The following HEATR4 variants were observed in gnomAD, a reference collection of about 807,000 sequenced individuals.
HEATR4 encodes the protein HEAT repeat containing 4, also known as HEAT repeat-containing protein 4.
HEATR4 carries 95 observed loss-of-function variants against 108.8 expected under a neutral mutation model. That is an observed-to-expected ratio of 0.87 (90% CI 0.74 to 1.04). The LOEUF (loss-of-function observed/expected upper bound fraction) is 1.04, where lower values mean the gene tolerates loss of function less well. Ranked by LOEUF, HEATR4 falls within the 50% of genes least tolerant of loss-of-function variation. HEATR4 has a pLI of 0.00. For synonymous variants in HEATR4, 443 were observed against 459.4 expected, an observed-to-expected ratio of 0.96 and a Z score of 0.46; for missense variants, 1,152 against 1,253.8, an observed-to-expected ratio of 0.92 and a Z score of 1.23.
Position 73,498,315 on chromosome 14 carries a change from C to T in HEATR4, c.2386G>A (p.Glu796Lys), listed in dbSNP as rs560717184. The T allele has an allele frequency of 2.9e-5, 46 of 1,609,254 alleles. No homozygotes were observed. In the East Asian group the frequency reaches 5.8e-4, roughly 20 times the overall value. ...ALGQIGQVSP[E>K]LTDLLLWAIH... ...GCCCAGAGCAGAAGATCCGTCAGCT[C>T]GGGACTTACTTGCCCAATCTGTCCC... The change falls in exon 14 of 18, where the codon GAG becomes AAG. Residue 796 changes from glutamate to lysine, a missense_variant. By Grantham distance (56) the Glu-to-Lys change is moderately conservative (BLOSUM62 1). Transcript: ENST00000553558.
At chr14:73,581,062 C>T in the HEATR4 span, 2 of 151,838 alleles carry the variant, frequency 1.3e-5, no homozygotes, top group Non-Finnish European at 2.9e-5. Flanking sequence ...TGTATATTAA[C>T]ACACTGTGAA....
At chr14:73,592,337 G>C in the HEATR4 span, 1 of 1,603,656 alleles carries the variant, frequency 6.2e-7, no homozygotes, top group Non-Finnish European at 8.5e-7. Flanking sequence ...CGCAGCACGA[G>C]CGCCACTTCC....
chr14:73,498,440 T>A, intron 13 of HEATR4, 96 bp from the exon 14 acceptor site: 2 of 1,061,232 alleles, frequency 1.9e-6, no homozygotes, highest in Non-Finnish European at 1.3e-6. Flanking sequence ...TACCTTCCCT[T>A]TTGGATGGTA....
At chr14:73,606,138 C>A in the HEATR4 span, among the ~76,000 whole-genome samples, 2 of 152,124 alleles carry the variant, frequency 1.3e-5, no homozygotes, top group Admixed American at 1.3e-4. Context: ...TGTAATCCTC[C>A]CTGACGTCGG....
At chr14:73,629,991 T>C in the HEATR4 span, among the ~76,000 whole-genome samples, 1 of 149,876 alleles carries the variant, frequency 6.7e-6, no homozygotes, top group Non-Finnish European at 1.5e-5. Flanking sequence ...TCCACCGCAT[T>C]CCAGCTTGGG....
At chr14:73,567,098 C>T in the HEATR4 span, among the ~76,000 whole-genome samples, 3 of 152,176 alleles carry the variant, frequency 2.0e-5, no homozygotes, top group South Asian at 2.1e-4. Context: ...TGAGCCACCG[C>T]GCCCATCCCC....
At chr14:73,609,970 C>T in the HEATR4 span, among the ~76,000 whole-genome samples, 2 of 146,428 alleles carry the variant, frequency 1.4e-5, no homozygotes, top group Admixed American at 6.9e-5. Flanking sequence ...TTCCTCTACC[C>T]TTTTTTTTTT....
intron 1 of HEATR4, chr14:73,537,118 G>T: frequency 3.8e-6 from 1 of 265,496 alleles, no homozygotes; most frequent in Non-Finnish European, 6.5e-6. Context: ...CGAGTAGCCG[G>T]GACGAACCAG....
chr14:73,633,000 T>A, the HEATR4 span, among the ~76,000 whole-genome samples: 1 of 124,042 alleles, frequency 8.1e-6, no homozygotes, highest in Non-Finnish European at 1.7e-5. Context: ...TCTCTCTCTC[T>A]CTCTCTCTTT....
rs181826011 is a variant in HEATR4, at chr14:73,481,988, G to T, written c.2845-3146C>A. 2.2e-3 allele frequency among the ~76,000 whole-genome samples: 329 copies of T among 152,186 alleles called. 4 individuals are homozygous for T. Among genetic ancestry groups the T allele is most frequent in the Non-Finnish European group, 2.5e-3 (168 of 68,012 alleles). On this transcript the variant is annotated intron_variant, in intron 17 of 17. Transcript: ENST00000553558. ...AACTCCAGCTTAGGCAACAGGAGGA[G>T]ACCCTGTCTCAAAATAAAAAACAAA...
At chr14:73,566,113 G>A in the HEATR4 span, among the ~76,000 whole-genome samples, 1 of 152,054 alleles carries the variant, frequency 6.6e-6, no homozygotes, top group Admixed American at 6.6e-5. Context: ...AGTGTTGATT[G>A]GTGCATTCAC....
At chr14:73,607,287 G>A in the HEATR4 span, among the ~76,000 whole-genome samples, 1,673 of 152,328 alleles carry the variant, frequency 0.011, 24 homozygotes, top group Middle Eastern at 0.061. Context: ...TCCAGTCTGG[G>A]TGACAGAGAG....
At chr14:73,488,073 T>G (rs757501473) in intron 17 of HEATR4, among the ~76,000 whole-genome samples, 3 of 152,166 alleles carry the variant, frequency 2.0e-5, no homozygotes, top group Non-Finnish European at 2.9e-5. Context: ...GGGCCTCAAC[T>G]TGAGAAAATT....
chr14:73,491,026 G>T, intron 17 of HEATR4: 1 of 1,521,680 alleles, frequency 6.6e-7, no homozygotes, highest in Non-Finnish European at 8.8e-7. Context: ...CCATGGATGG[G>T]CTCCAGGCCA....
chr14:73,608,105 A>C, the HEATR4 span, among the ~76,000 whole-genome samples: 1 of 151,120 alleles, frequency 6.6e-6, no homozygotes, highest in Non-Finnish European at 1.5e-5. Flanking sequence ...TTGTACTTTT[A>C]GTAGAGATGG....
intron 2 of HEATR4, among the ~76,000 whole-genome samples, chr14:73,528,131 A>G (rs776890555): frequency 9.9e-5 from 15 of 152,010 alleles, no homozygotes; most frequent in Non-Finnish European, 1.6e-4. Context: ...GCGGTGGCTC[A>G]TGCCTGTAAT....
At chr14:73,585,772 G>T in the HEATR4 span, among the ~76,000 whole-genome samples, 2 of 128,378 alleles carry the variant, frequency 1.6e-5, no homozygotes, top group Non-Finnish European at 3.4e-5. Flanking sequence ...GATACACTGG[G>T]AAGGGAATGA....
At chr14:73,520,712 G>A (rs981793928) in intron 4 of HEATR4, 140 bp downstream of exon 4, 1 of 737,038 alleles carries the variant, frequency 1.4e-6, no homozygotes. Context: ...GCTAGTGTGG[G>A]TGCTGGGTCA....
Position 73,517,811 on chromosome 14 carries a change from G to A in HEATR4, c.1210+1212C>T, listed in dbSNP as rs541763708. ...AGGAAGGAGAAAAGAAAAAGAGGCT[G>A]GACACGGTGGCTCACGCCTGTAATC... is the stretch of plus-strand genomic sequence containing the variant. On this transcript the variant is annotated intron_variant, in intron 5 of 17. Transcript: ENST00000553558. Among the ~76,000 whole-genome samples, 12 of 151,982 alleles carry A rather than the reference G, an allele frequency of 7.9e-5. No homozygotes were observed. The East Asian group carries it at 2.3e-3, about 29-fold the overall frequency.
Sources: allele counts gnomAD v4.1 joint callset (sites outside exome capture counted in the v4.1 genomes callset), GRCh38; gene constraint gnomAD v4.1.1; transcripts MANE v1.5; gene names NCBI Gene and HGNC (gene_info 2026-07-23, HGNC 2026-07-21).